C2orf49: variants seen among roughly 807,000 people sequenced by gnomAD.
C2orf49 encodes the protein tRNA splicing ligase complex subunit 2.
Under a neutral mutation model 20.6 loss-of-function variants are expected in C2orf49, and 11 were observed. The observed-to-expected ratio is 0.53, with a 90% CI of 0.34 to 0.88. The LOEUF (loss-of-function observed/expected upper bound fraction) is 0.88. C2orf49 is among the 40% of genes least tolerant of loss of function. C2orf49 has a pLI of 0.02. For missense variants in C2orf49, 289 were observed against 274.2 expected (o/e 1.05, Z -0.38); for synonymous variants, 134 against 108.5 (o/e 1.24, Z -1.46).
chr2:105,378,317 A>G, the C2orf49 span: 1 of 399,042 alleles, frequency 2.5e-6, no homozygotes, highest in Non-Finnish European at 5.2e-6. Flanking sequence ...GCATCCATGC[A>G]AGACTTGGAG....
At chr2:105,378,158 G>C in the C2orf49 span, 783 of 471,154 alleles carry the variant, frequency 1.7e-3, 15 homozygotes, top group South Asian at 0.012. Context: ...ATGCACATGG[G>C]TCCAAGGCAC....
chr2:105,373,683 C>T, the C2orf49 span: 116 of 1,614,088 alleles, frequency 7.2e-5, no homozygotes, highest in African/African-American at 1.0e-3. Flanking sequence ...TTCTGCACTG[C>T]GAGCAGTGGA....
At chr2:105,378,722 C>T in the C2orf49 span, 1 of 152,826 alleles carries the variant, frequency 6.5e-6, no homozygotes, top group African/African-American at 2.4e-5. Flanking sequence ...AATATGCGTG[C>T]AGCAGTTCCT....
At chr2:105,363,341 T>A in the C2orf49 span, 1 of 1,614,130 alleles carries the variant, frequency 6.2e-7, no homozygotes, top group South Asian at 1.1e-5. Context: ...ACAGAAGCAG[T>A]TCAGGCAGTA....
chr2:105,369,552 T>C, the C2orf49 span, among the ~76,000 whole-genome samples: 1 of 152,202 alleles, frequency 6.6e-6, no homozygotes, highest in Non-Finnish European at 1.5e-5. Context: ...CAGCGATCTT[T>C]TAATTCAAAA....
chr2:105,358,295 G>C, the C2orf49 span: 2 of 152,268 alleles, frequency 1.3e-5, no homozygotes, highest in African/African-American at 4.8e-5. Flanking sequence ...TCTGGGGGCT[G>C]GACAGCAGCC....
chr2:105,343,280 C>T, intron 3 of C2orf49, 57 bp downstream of exon 3: 1 of 1,504,484 alleles, frequency 6.6e-7, no homozygotes, highest in Non-Finnish European at 8.8e-7. Flanking sequence ...CTTGAGCAGT[C>T]TGCCTCATGA....
intron 3 of C2orf49, among the ~76,000 whole-genome samples, chr2:105,344,312 A>G (rs1679752203): frequency 6.6e-6 from 1 of 152,088 alleles, no homozygotes; most frequent in African/African-American, 2.4e-5. Flanking sequence ...AAGGTGTGGG[A>G]TAAGAGTTAG....
At chr2:105,351,510 G>A (rs1248385272), downstream of C2orf49, among the ~76,000 whole-genome samples, 2 of 152,004 alleles carry the variant, frequency 1.3e-5, no homozygotes, top group African/African-American at 4.8e-5. Context: ...ATGACTCATG[G>A]ATACTTATTT....
At chr2:105,369,958 T>C in the C2orf49 span, among the ~76,000 whole-genome samples, 2 of 152,226 alleles carry the variant, frequency 1.3e-5, no homozygotes, top group African/African-American at 2.4e-5. Flanking sequence ...TGCATGGTCA[T>C]ATGCAGCAAT....
chr2:105,342,528 G>A (rs1476514398), intron 2 of C2orf49, among the ~76,000 whole-genome samples: 3 of 151,582 alleles, frequency 2.0e-5, no homozygotes, highest in Non-Finnish European at 2.9e-5. Context: ...CTATCAATAA[G>A]CTGGTGTTTG....
chr2:105,378,454 TCCTGCCAGATGCTG>T, the C2orf49 span: 1 of 282,996 alleles, frequency 3.5e-6, no homozygotes, highest in Non-Finnish European at 6.9e-6. Flanking sequence ...TCGCCTTGGC[TCCTGCCAGATGCTG>T]CCCTTTCCCT....
the C2orf49 span, chr2:105,367,480 A>G: frequency 7.6e-7 from 1 of 1,319,162 alleles, no homozygotes; most frequent in South Asian, 1.4e-5. Flanking sequence ...TATCACAGGT[A>G]TCCTTGGTTT....
the C2orf49 span, chr2:105,359,136 A>G: frequency 4.6e-5 from 7 of 152,314 alleles, no homozygotes; most frequent in Admixed American, 2.0e-4. Flanking sequence ...TTTGTCCAGA[A>G]TGACTGTTAA....
the C2orf49 span, among the ~76,000 whole-genome samples, chr2:105,385,205 C>T: frequency 4.6e-5 from 7 of 152,214 alleles, no homozygotes; most frequent in Admixed American, 3.3e-4. Context: ...CGTCTCTGCT[C>T]AAGGCAGAGG....
chr2:105,383,728 G>GA, the C2orf49 span, among the ~76,000 whole-genome samples: 4 of 151,990 alleles, frequency 2.6e-5, no homozygotes, highest in African/African-American at 7.2e-5. Context: ...TTTACTTCCA[G>GA]AAAAAAACAG....
the C2orf49 span, among the ~76,000 whole-genome samples, chr2:105,385,114 A>G: frequency 6.6e-6 from 1 of 152,194 alleles, no homozygotes; most frequent in South Asian, 2.1e-4. Context: ...CGTTTCTTTT[A>G]CATTCAGCAC....
Position 105,339,705 on chromosome 2 carries a change from G to A in C2orf49, c.222G>A (p.Met74Ile). The A allele has an allele frequency of 6.2e-7, 1 of 1,605,086 alleles. No individual in the cohort carries two copies. ...DLPKNRWGKM[M>I]EKKREQHEIK... The stretch of plus-strand genomic sequence containing the variant: ...CGAAGAATAGATGGGGGAAAATGAT[G>A]GAAAAGAAAAGAGAACAACATGAGA... Residue 74 changes from methionine (M) to isoleucine (I), a missense_variant, in exon 2 of 4, where the codon ATG becomes ATA. Physicochemically the swap from Met to Ile is conservative, Grantham distance 10 (BLOSUM62 1). Coordinates refer to ENST00000258457, the MANE Select transcript of C2orf49 (RefSeq NM_024093.3).
chr2:105,349,121 A>C lies in C2orf49; in HGVS notation c.*3750A>C, dbSNP rs1311769921. Reference sequence around the variant, plus strand: ...ATTCAGTTGAGAGATTTTATGTTAGAGTGATCTGAAAAAAAGTTAATTTCT... The same window carrying C: ...ATTCAGTTGAGAGATTTTATGTTAGCGTGATCTGAAAAAAAGTTAATTTCT... On this transcript the variant is annotated 3_prime_UTR_variant, in exon 4 of 4. Transcript: ENST00000258457. The C allele has an allele frequency of 6.6e-6, 1 of 152,222 alleles. No individual in the cohort carries two copies. Among genetic ancestry groups the C allele is most frequent in the Non-Finnish European group, 1.5e-5 (1 of 68,042 alleles). The allele number at this position is 152,222 out of a possible 1,614,324, so 9.4% of individuals were successfully genotyped here. A position where few individuals can be genotyped will look rare whatever the true frequency, so the allele number is the denominator to read the frequency against.
Sources: allele counts gnomAD v4.1 joint callset (sites outside exome capture counted in the v4.1 genomes callset), GRCh38; gene constraint gnomAD v4.1.1; transcripts MANE v1.5; gene names NCBI Gene and HGNC (gene_info 2026-07-23, HGNC 2026-07-21).